Variants in TENM2 observed in about 807,000 individuals in gnomAD.
TENM2 encodes the protein teneurin transmembrane protein 2.
A neutral mutation model predicts 245.2 loss-of-function variants in TENM2; 52 were observed. That is an observed-to-expected ratio of 0.21 (90% confidence interval 0.17 to 0.27). TENM2 has a LOEUF of 0.27. TENM2 is among the 10% of genes least tolerant of loss of function. TENM2 has a pLI of 1.00. For missense variants in TENM2, 3,046 were observed against 3,666.8 expected, an observed-to-expected ratio of 0.83 and a Z score of 4.37; for synonymous variants, 1,363 against 1,438.9, an observed-to-expected ratio of 0.95 and a Z score of 1.19.
At chr5:167,579,110 A>T (rs1437375410) in intron 2 of TENM2, among the ~76,000 whole-genome samples, 3 of 152,144 alleles carry the variant, frequency 2.0e-5, no homozygotes, top group Non-Finnish European at 4.4e-5. Flanking sequence ...CACCATTTTA[A>T]TACTATCAGA....
chr5:167,972,338 C>G (rs1781853722), intron 4 of TENM2, among the ~76,000 whole-genome samples: 1 of 152,052 alleles, frequency 6.6e-6, no homozygotes, highest in African/African-American at 2.4e-5. Context: ...TGGCAACTTC[C>G]TTTTTATCAC....
chr5:167,688,378 G>A (rs1415654556), intron 2 of TENM2, among the ~76,000 whole-genome samples: 4 of 152,150 alleles, frequency 2.6e-5, no homozygotes, highest in Non-Finnish European at 4.4e-5. Context: ...AAAAGAGCAT[G>A]TGATCACATC....
At chr5:167,634,547 T>G (rs907355298) in intron 2 of TENM2, among the ~76,000 whole-genome samples, 7 of 152,004 alleles carry the variant, frequency 4.6e-5, no homozygotes, top group African/African-American at 1.7e-4. Flanking sequence ...TTCAACTACT[T>G]AGATGCAGAA....
At chr5:168,176,334 CCT>C (rs1423276329) in intron 13 of TENM2, among the ~76,000 whole-genome samples, 1 of 152,150 alleles carries the variant, frequency 6.6e-6, no homozygotes, top group Admixed American at 6.5e-5. Flanking sequence ...GATCTCATTT[CCT>C]CTCTCTCTTC....
At chr5:167,827,321 G>A (rs1768051118) in intron 2 of TENM2, among the ~76,000 whole-genome samples, 1 of 152,102 alleles carries the variant, frequency 6.6e-6, no homozygotes, top group Non-Finnish European at 1.5e-5. Context: ...TAGGGGGCAA[G>A]GAACAATTAT....
At chr5:168,071,147 T>C (rs931286293) in intron 7 of TENM2, among the ~76,000 whole-genome samples, 2 of 152,324 alleles carry the variant, frequency 1.3e-5, no homozygotes, top group African/African-American at 2.4e-5. Context: ...CATTCAGCCT[T>C]TCTGTGCCTC....
chr5:167,052,254 C>A, the TENM2 span, among the ~76,000 whole-genome samples: 1 of 152,012 alleles, frequency 6.6e-6, no homozygotes, highest in Non-Finnish European at 1.5e-5. Context: ...TTACATGACA[C>A]CTGAATTCTA....
intron 2 of TENM2, among the ~76,000 whole-genome samples, chr5:167,867,625 C>G (rs1275043760): frequency 6.6e-6 from 1 of 151,210 alleles, no homozygotes; most frequent in Non-Finnish European, 1.5e-5. Context: ...AGGTCTTCCA[C>G]AGTAAAAATA....
chr5:168,014,103 A>G (rs1288104126), intron 5 of TENM2, among the ~76,000 whole-genome samples: 1 of 152,194 alleles, frequency 6.6e-6, no homozygotes, highest in East Asian at 1.9e-4. Flanking sequence ...ATTCACAGCT[A>G]TTGGAGGTTA....
At chr5:168,246,162 G>A (rs915950436) in intron 26 of TENM2, among the ~76,000 whole-genome samples, 1 of 151,470 alleles carries the variant, frequency 6.6e-6, no homozygotes, top group Non-Finnish European at 1.5e-5. Flanking sequence ...GAACCCAGGA[G>A]GTAGAGTAGG....
chr5:167,092,013 C>T, the TENM2 span, among the ~76,000 whole-genome samples: 1 of 152,002 alleles, frequency 6.6e-6, no homozygotes, highest in Non-Finnish European at 1.5e-5. Flanking sequence ...TGGTGGTGGG[C>T]TTGCAATGAG....
intron 2 of TENM2, among the ~76,000 whole-genome samples, chr5:167,702,776 T>A (rs1299256040): frequency 6.6e-6 from 1 of 152,016 alleles, no homozygotes; most frequent in Admixed American, 6.6e-5. Context: ...GCGATTCTCC[T>A]GCCTCAGCCT....
At chr5:167,675,956 C>T (rs1213084116) in intron 2 of TENM2, among the ~76,000 whole-genome samples, 1 of 152,016 alleles carries the variant, frequency 6.6e-6, no homozygotes, top group Admixed American at 6.6e-5. Flanking sequence ...TGTCAAAGAT[C>T]AGTCTGACTT....
intron 3 of TENM2, among the ~76,000 whole-genome samples, chr5:167,920,468 A>G (rs1485912164): frequency 3.3e-5 from 5 of 151,246 alleles, no homozygotes; most frequent in Non-Finnish European, 7.4e-5. Context: ...CAGTGAGCCA[A>G]GCTCGTGCCA....
chr5:167,234,777 T>G, the TENM2 span, among the ~76,000 whole-genome samples: 1 of 152,192 alleles, frequency 6.6e-6, no homozygotes, highest in Non-Finnish European at 1.5e-5. Flanking sequence ...GCAAAGAGAT[T>G]ATATATGATG....
At chr5:167,961,060 CT>C (rs1780975860) in intron 4 of TENM2, among the ~76,000 whole-genome samples, 1 of 152,200 alleles carries the variant, frequency 6.6e-6, no homozygotes, top group African/African-American at 2.4e-5. Context: ...TGAGATGAGC[CT>C]AGTACTTCAG....
At chr5:167,763,035 T>C (rs1762783686) in intron 2 of TENM2, among the ~76,000 whole-genome samples, 1 of 152,170 alleles carries the variant, frequency 6.6e-6, no homozygotes, top group Non-Finnish European at 1.5e-5. Context: ...TTGACCTGAC[T>C]TCTCCCTGTA....
chr5:167,146,545 A>G, the TENM2 span, among the ~76,000 whole-genome samples: 1 of 152,046 alleles, frequency 6.6e-6, no homozygotes, highest in South Asian at 2.1e-4. Flanking sequence ...GAAAGACTTG[A>G]CCTCTCCCTA....
intron 4 of TENM2, among the ~76,000 whole-genome samples, chr5:167,954,680 T>C (rs1780406577): frequency 6.6e-6 from 1 of 152,186 alleles, no homozygotes; most frequent in South Asian, 2.1e-4. Flanking sequence ...TGTGTTCTTA[T>C]TGTTCAGCTC....
Sources: allele counts gnomAD v4.1 joint callset (sites outside exome capture counted in the v4.1 genomes callset), GRCh38; gene constraint gnomAD v4.1.1; transcripts MANE v1.5; gene names NCBI Gene and HGNC (gene_info 2026-07-23, HGNC 2026-07-21).